The following MYO15B variants were observed in gnomAD, a reference collection of about 807,000 sequenced individuals.
MYO15B encodes the protein myosin XVB, also known as myosin XVB pseudogene.
In MYO15B, 207 loss-of-function variants were observed where a neutral mutation model predicts 119.3. That is an observed-to-expected ratio of 1.73 (90% CI 1.55 to 1.95). The LOEUF (loss-of-function observed/expected upper bound fraction) is 1.95, where lower values mean the gene tolerates loss of function less well. Ranked by LOEUF, MYO15B falls within the 30% of genes most tolerant of loss-of-function variation. The probability of loss-of-function intolerance (pLI) is 0.00; values close to 1 mark genes in which losing one functional copy is unlikely to be tolerated. For missense variants in MYO15B, 2,264 were observed against 1,203.1 expected (o/e 1.88, Z -13.04); for synonymous variants, 966 against 498.9 (o/e 1.94, Z -12.48).
At position 75,602,948 on chromosome 17, in the gene MYO15B, A is replaced by G. The variant is rs1307888073; in HGVS notation, c.3845+3A>G. 1.0e-5 allele frequency: 7 copies of G among 692,900 alleles called. No homozygotes were observed. The highest frequency in any genetic ancestry group is 9.1e-5 in the South Asian group (6 of 66,052). 42.9% of individuals were successfully genotyped at this position (692,900 alleles called of 1,614,324 possible). ...GACCTCATAGCCCGGCTGGGCAGGT[A>G]AGAACAGCGCCCGCCACACCAGACC... On this transcript the variant is annotated splice_donor_region_variant and intron_variant, in intron 17 of 63. Transcript: ENST00000645453.
intron 24 of MYO15B, 99 bp downstream of exon 24, chr17:75,611,757 C>A: frequency 1.4e-6 from 1 of 693,338 alleles, no homozygotes. Context: ...ATGCTCCAGA[C>A]TCCCCTGAGC....
chr17:75,610,701 A>T (rs2057969967), intron 22 of MYO15B, 199 bp from the exon 23 acceptor site: 1 of 578,178 alleles, frequency 1.7e-6, no homozygotes, highest in Non-Finnish European at 3.1e-6. Context: ...GCCCTGGCAG[A>T]TGGGCACAGA....
intron 21 of MYO15B, chr17:75,606,898 C>G: frequency 2.5e-6 from 1 of 398,570 alleles, no homozygotes; most frequent in South Asian, 1.3e-4. Flanking sequence ...CACCCTCCCA[C>G]TTCTCACCTA....
rs528259589 is a variant in MYO15B at position 75,590,035 on chromosome 17, T to C, written c.1978T>C (p.Leu660=). The C allele has an allele frequency of 9.3e-4, 371 of 398,942 alleles. 1 individual carries two copies. The highest frequency in any genetic ancestry group is 3.8e-3 in the Middle Eastern group (6 of 1,592). The allele number at this position is 398,942 out of a possible 1,614,324, so 24.7% of individuals were successfully genotyped here. A position where few individuals can be genotyped will look rare whatever the true frequency, so the allele number is the denominator to read the frequency against. ...CGCCGTGCTGCTACCCCGACTCTCC[T>C]TGGAGACCCGCCTGCAGCAGGAGGG... The change falls in exon 1 of 64, where the codon TTG becomes CTG. Residue 660 remains leucine (L), a synonymous_variant. Transcript: ENST00000645453.
exon 21 of MYO15B, chr17:75,606,009 G>T: frequency 2.9e-6 from 2 of 698,640 alleles, no homozygotes; most frequent in Non-Finnish European, 5.2e-6. Context: ...CGCATGCGTG[G>T]GTTCCAGGCC....
intron 52 of MYO15B, 63 bp downstream of exon 52, chr17:75,621,633 C>G (rs1209637745): frequency 1.5e-6 from 1 of 678,584 alleles, no homozygotes; most frequent in Non-Finnish European, 2.7e-6. Flanking sequence ...GGTGTCTGGT[C>G]CCCTTATCTC....
At chr17:75,607,356 TA>T (rs1411106888) in intron 21 of MYO15B, among the ~76,000 whole-genome samples, 1 of 152,024 alleles carries the variant, frequency 6.6e-6, no homozygotes, top group Non-Finnish European at 1.5e-5. Flanking sequence ...TCACTTAACA[TA>T]ATGTTTCAAA....
chr17:75,592,910 C>A, intron 9 of MYO15B, 70 bp downstream of exon 9: 2 of 662,186 alleles, frequency 3.0e-6, no homozygotes, highest in Non-Finnish European at 5.5e-6. Context: ...GGTAATGACG[C>A]CAAATGCTGG....
At chr17:75,592,632 C>G (rs1253809670) in intron 8 of MYO15B, 47 bp from the exon 9 acceptor site, 3 of 666,786 alleles carry the variant, frequency 4.5e-6, no homozygotes, top group Non-Finnish European at 2.7e-6. Context: ...TAGAGGGAGG[C>G]TATGGGGTGG....
At chr17:75,616,939 A>G (rs1430816436) in exon 40 of MYO15B, 1 of 702,904 alleles carries the variant, frequency 1.4e-6, no homozygotes, top group Middle Eastern at 2.3e-4. Context: ...CTGGGTATCA[A>G]CGGTGCCCAC....
chr17:75,587,925 G>A, exon 1 of MYO15B: 1 of 396,416 alleles, frequency 2.5e-6, no homozygotes, highest in Non-Finnish European at 4.4e-6. Context: ...GGGCACCTCG[G>A]GGAGTAGAGC....
intron 17 of MYO15B, 21 bp downstream of exon 17, chr17:75,602,966 A>T: frequency 1.4e-6 from 1 of 698,996 alleles, no homozygotes; most frequent in Non-Finnish European, 2.6e-6. Context: ...CGCCCGCCAC[A>T]CCAGACCCCA....
chr17:75,620,514 G>A (rs534672973), exon 49 of MYO15B: 29 of 702,816 alleles, frequency 4.1e-5, no homozygotes, highest in South Asian at 3.7e-4. Flanking sequence ...CTTTCCTGCC[G>A]ACATAGTGCA....
chr17:75,624,231 C>T lies in MYO15B; in HGVS notation c.8329C>T (p.Arg2777Trp), dbSNP rs577775425. The change falls in exon 56 of 64, where the codon CGG becomes TGG. Residue 2777 changes from arginine to tryptophan, a missense_variant. By Grantham distance (101) the Arg-to-Trp change is moderately radical. Transcript: ENST00000645453. ...GCGCACAGTCAAATATGGGGGGCGC[C>T]GGCGGATGCCCCCACCGGGTGAAAT... 6.2e-4 allele frequency: 438 copies of T among 702,942 alleles called. 3 individuals are homozygous for T. In the African/African-American group the frequency reaches 7.0e-3, roughly 11 times the overall value. The allele number at this position is 702,942 out of a possible 1,614,324, so 43.5% of individuals were successfully genotyped here.
chr17:75,589,382 G>C lies in MYO15B; in HGVS notation c.1325G>C (p.Arg442Pro), dbSNP rs372037990. The change falls in exon 1 of 64, where the codon CGG becomes CCG. Residue 442 changes from arginine (R) to proline (P), a missense_variant. By Grantham distance (103) the Arg-to-Pro change is moderately radical. Transcript: ENST00000645453. This position sits in a 1 kb window ranked among gnomAD's most constrained non-coding sequence, Gnocchi z 4.2. ...GGCCACGAGCGAGGGGACGAGGGTC[G>C]GGGCCGCGGGAAAGCGGACGAAGGG... 2.6e-6 allele frequency: 1 copy of C among 382,438 alleles called. No homozygotes were observed. The highest frequency in any genetic ancestry group is 4.5e-6 in the Non-Finnish European group (1 of 220,282). 23.7% of individuals were successfully genotyped at this position (382,438 alleles called of 1,614,324 possible).
In MYO15B at chr17:75,617,197, TG is replaced by T. The variant is rs749144963; in HGVS notation, c.6709del (p.Asp2237ThrfsTer37). 1.4e-6 allele frequency: 1 copy of T among 697,574 alleles called. No homozygotes were observed. The highest frequency in any genetic ancestry group is 1.5e-5 in the South Asian group (1 of 67,178). 43.2% of individuals were successfully genotyped at this position (697,574 alleles called of 1,614,324 possible). Reference sequence around the variant, plus strand: ...ATCAAGGAAAAGCAGGGGCCCCTTCTGGACCTGTTTGGCCAGAAGCTGCCTA... The same window carrying T: ...ATCAAGGAAAAGCAGGGGCCCCTTCTGACCTGTTTGGCCAGAAGCTGCCTA... On this transcript the variant is annotated frameshift_variant, in exon 41 of 64. Transcript: ENST00000645453. LOFTEE classifies it high-confidence loss of function.
exon 57 of MYO15B, chr17:75,624,421 T>C (rs2058899859): frequency 7.1e-6 from 5 of 702,548 alleles, no homozygotes; most frequent in Non-Finnish European, 1.0e-5. Context: ...GGGTGTGGAT[T>C]ATAGGACGAA....
rs544420059 is a variant in MYO15B at position 75,605,592 on chromosome 17, T to C, written c.4105T>C (p.Ser1369Pro). 1,086 of 702,794 alleles carry C rather than the reference T, an allele frequency of 1.5e-3. 2 individuals carry two copies. The highest frequency in any genetic ancestry group is 2.4e-3 in the Non-Finnish European group (917 of 384,984). The allele number at this position is 702,794 out of a possible 1,614,324, so 43.5% of individuals were successfully genotyped here. The change falls in exon 20 of 64, where the codon TCA (serine) becomes CCA (proline). Residue 1369 changes from serine (S) to proline (P), a missense_variant. Coordinates refer to ENST00000645453, the Ensembl canonical transcript of MYO15B. Reference sequence around the variant, plus strand: ...CCTGAGCCAGGTGCTGGGGGCCGAATCACCTCTCTATCACCTTGGAGCCAC... The same window carrying C: ...CCTGAGCCAGGTGCTGGGGGCCGAACCACCTCTCTATCACCTTGGAGCCAC...
At chr17:75,609,682 C>CCCTT (rs1279766208) in intron 21 of MYO15B, among the ~76,000 whole-genome samples, 7 of 147,594 alleles carry the variant, frequency 4.7e-5, no homozygotes, top group African/African-American at 1.0e-4. Flanking sequence ...TTCCTTCCTT[C>CCCTT]CCTTCCTTCC....
Sources: gnomAD v4.1 joint callset for allele counts (sites outside exome capture counted in the v4.1 genomes callset) on GRCh38, gnomAD v4.1.1 for gene constraint, Gnocchi (gnomAD v3.1) non-coding constraint, MANE v1.5 for transcripts, NCBI Gene and HGNC (gene_info 2026-07-23, HGNC 2026-07-21) for gene names.